The following NXPE3 variants were observed in gnomAD, a reference collection of about 807,000 sequenced individuals.
The protein encoded by NXPE3 is NXPE family member 3.
A neutral mutation model predicts 46.1 loss-of-function variants in NXPE3; 26 were observed. The ratio of observed to expected loss-of-function variants is 0.56; its 90% CI spans 0.41 to 0.78. NXPE3 has a LOEUF of 0.78. NXPE3 is among the 30% of genes least tolerant of loss of function. The pLI is 0.00. For missense variants in NXPE3, 620 were observed against 686.0 expected (o/e 0.90, Z 1.07); for synonymous variants, 272 against 257.9 (o/e 1.05, Z -0.52).
At chr3:101,786,428 C>A (rs1940177947) in intron 4 of NXPE3, among the ~76,000 whole-genome samples, 1 of 152,164 alleles carries the variant, frequency 6.6e-6, no homozygotes, top group South Asian at 2.1e-4. Flanking sequence ...AAAAAAATTT[C>A]TCCTGCTGGA....
intron 7 of NXPE3, among the ~76,000 whole-genome samples, chr3:101,820,058 A>G (rs1444160806): frequency 6.6e-6 from 1 of 152,154 alleles, no homozygotes; most frequent in Non-Finnish European, 1.5e-5. Context: ...AGTTTCATCC[A>G]TGTTGTTACA....
Position 101,785,549 on chromosome 3 carries a change from T to C in NXPE3, c.-48T>C, listed in dbSNP as rs376002605. ...AGCAAAGACATGGAATTTTAAAGAG[T>C]GAAGGTAGCATGGTGTCGGCCATGG... On this transcript the variant is annotated 5_prime_UTR_variant, in exon 4 of 8. It removes the in-frame stop codon of an upstream open reading frame in the 5' UTR. Coordinates refer to ENST00000273347, the MANE Select transcript of NXPE3 (RefSeq NM_145037.4). 4.0e-6 allele frequency: 6 copies of C among 1,504,970 alleles called. No homozygotes were observed. Among genetic ancestry groups the C allele is most frequent in the South Asian group, 1.1e-5 (1 of 88,928 alleles). The allele number at this position is 1,504,970 out of a possible 1,614,324, so 93.2% of individuals were successfully genotyped here.
Position 101,826,305 on chromosome 3 carries a change from A to AC in NXPE3, c.*4352dup, listed in dbSNP as rs961252364. 1 of 152,210 alleles carries AC rather than the reference A, an allele frequency of 6.6e-6. No individual in the cohort carries two copies. Among genetic ancestry groups the AC allele is most frequent in the African/African-American group, 2.4e-5 (1 of 41,446 alleles). 9.4% of individuals were successfully genotyped at this position (152,210 alleles called of 1,614,324 possible). A position where few individuals can be genotyped will look rare whatever the true frequency, so the allele number is the denominator to read the frequency against. ...ACAGGGAAATAAACACCCAAGGGAA[A>AC]CAACAGAAATAAGCCTCCCCAACTT... is the stretch of plus-strand genomic sequence containing the variant. On this transcript the variant is annotated 3_prime_UTR_variant, in exon 8 of 8. Coordinates refer to ENST00000273347, the MANE Select transcript of NXPE3 (RefSeq NM_145037.4).
intron 3 of NXPE3, among the ~76,000 whole-genome samples, chr3:101,784,922 G>C (rs761165886): frequency 2.0e-5 from 3 of 152,100 alleles, no homozygotes; most frequent in African/African-American, 7.2e-5. Flanking sequence ...GTATGAGAGG[G>C]GTAGCACTTC....
Position 101,782,717 on chromosome 3 carries a change from A to G in NXPE3, c.-259A>G, listed in dbSNP as rs927702095. 3 of 151,914 alleles carry G rather than the reference A, an allele frequency of 2.0e-5. No homozygotes were observed. Among genetic ancestry groups the G allele is most frequent in the Admixed American group, 6.6e-5 (1 of 15,236 alleles). 9.4% of individuals were successfully genotyped at this position (151,914 alleles called of 1,614,324 possible). On this transcript the variant is annotated 5_prime_UTR_variant, in exon 3 of 8. Transcript: ENST00000273347. ...TGGTGTGATGATCATGGTTCACTGC[A>G]GCCTCGACCTCCCAGGCTCAAGCAA...
chr3:101,814,070 T>C (rs544842934), intron 6 of NXPE3, among the ~76,000 whole-genome samples: 1 of 152,266 alleles, frequency 6.6e-6, no homozygotes, highest in Non-Finnish European at 1.5e-5. Context: ...GAAATGGTAA[T>C]TGTTTCCTGT....
chr3:101,802,387 A>G lies in NXPE3; in HGVS notation c.848+398A>G, dbSNP rs1447201297. On this transcript the variant is annotated intron_variant, in intron 5 of 7. Coordinates refer to ENST00000273347, the MANE Select transcript of NXPE3 (RefSeq NM_145037.4). ...AATCCCAGCACTTTGGGAGGCTGAA[A>G]CGGGAGGATCGCTTGAGCCCAGGAG... Among the ~76,000 whole-genome samples the G allele has an allele frequency of 3.1e-3, 468 of 150,570 alleles. 4 individuals carry two copies. The highest frequency in any genetic ancestry group is 0.011 in the African/African-American group (443 of 40,164).
In NXPE3 at chr3:101,801,517, C is replaced by G. The variant is rs769378572; in HGVS notation, c.376C>G (p.Leu126Val). The change falls in exon 5 of 8, where the codon CTG becomes GTG. Residue 126 changes from leucine (L) to valine (V), a missense_variant. Transcript: ENST00000273347. Reference sequence around the variant, plus strand: ...TAAGGTGGGAAGCCAGCTTGAGGTGCTGGTTCATGTGCAGGATTTTCAAAG... The same window carrying G: ...TAAGGTGGGAAGCCAGCTTGAGGTGGTGGTTCATGTGCAGGATTTTCAAAG... The part of the protein sequence containing the change: ...FFKVGSQLEV[L>V]VHVQDFQRKP... 1 of 1,614,156 alleles carries G rather than the reference C, an allele frequency of 6.2e-7. No homozygotes were observed. The highest frequency in any genetic ancestry group is 1.1e-5 in the South Asian group (1 of 91,088).
chr3:101,807,577 G>A lies in NXPE3; in HGVS notation c.922+451G>A, dbSNP rs574394884. ...GAGCTCAAGCAATCCTCCCACCTTG[G>A]CCTCCCAAAGTGCTGGGATTACAGA... On this transcript the variant is annotated intron_variant, in intron 6 of 7. Transcript: ENST00000273347. Among the ~76,000 whole-genome samples, 30 of 151,920 alleles carry A rather than the reference G, an allele frequency of 2.0e-4. No homozygotes were observed. The South Asian group carries it at 6.0e-3, about 31-fold the overall frequency.
chr3:101,787,853 C>T (rs1459824212), intron 4 of NXPE3, among the ~76,000 whole-genome samples: 1 of 152,166 alleles, frequency 6.6e-6, no homozygotes, highest in Non-Finnish European at 1.5e-5. Flanking sequence ...TACCTTTTGG[C>T]TATAATGGAT....
chr3:101,790,686 G>A (rs947861147), intron 4 of NXPE3, among the ~76,000 whole-genome samples: 2 of 151,966 alleles, frequency 1.3e-5, no homozygotes, highest in African/African-American at 2.4e-5. Flanking sequence ...TCTGTCTCGC[G>A]GGCTCAAGTG....
intron 6 of NXPE3, 90 bp downstream of exon 6, chr3:101,807,216 A>G: frequency 1.1e-6 from 1 of 879,814 alleles, no homozygotes; most frequent in Non-Finnish European, 1.9e-6. Flanking sequence ...AAAAACTTAT[A>G]TGCCATAGTT....
chr3:101,811,666 A>C (rs924073851), intron 6 of NXPE3, among the ~76,000 whole-genome samples: 1 of 151,774 alleles, frequency 6.6e-6, no homozygotes, highest in African/African-American at 2.4e-5. Flanking sequence ...ACTGCCCCTT[A>C]ACCATGTTTA....
chr3:101,808,543 G>C (rs1398031478), intron 6 of NXPE3, among the ~76,000 whole-genome samples: 1 of 152,000 alleles, frequency 6.6e-6, no homozygotes, highest in Non-Finnish European at 1.5e-5. Flanking sequence ...AACAAACCCT[G>C]TATGCCCAGC....
chr3:101,815,919 C>A (rs1177688763), intron 6 of NXPE3, among the ~76,000 whole-genome samples: 4 of 152,138 alleles, frequency 2.6e-5, no homozygotes, highest in Non-Finnish European at 5.9e-5. Flanking sequence ...TCGCTTGAAC[C>A]CAGGAGGCAG....
At position 101,822,012 on chromosome 3, in the gene NXPE3, T is replaced by C; in HGVS notation, c.*58T>C. The C allele has an allele frequency of 6.6e-7, 1 of 1,512,288 alleles. No homozygotes were observed. Among genetic ancestry groups the C allele is most frequent in the South Asian group, 1.2e-5 (1 of 82,102 alleles). The allele number at this position is 1,512,288 out of a possible 1,614,324, so 93.7% of individuals were successfully genotyped here. On this transcript the variant is annotated 3_prime_UTR_variant, in exon 8 of 8. Transcript: ENST00000273347. ...CAATGACCTTCTCAATTGACCTGAG[T>C]TACAGAAAGTGGCCCCAGTGAGAGA...
At chr3:101,815,956 A>T (rs1290478706) in intron 6 of NXPE3, among the ~76,000 whole-genome samples, 1 of 151,998 alleles carries the variant, frequency 6.6e-6, no homozygotes, top group Non-Finnish European at 1.5e-5. Context: ...AGATCATGCC[A>T]CTGCACTCCA....
chr3:101,783,433 T>A (rs1270123460), intron 3 of NXPE3, among the ~76,000 whole-genome samples: 2 of 152,162 alleles, frequency 1.3e-5, no homozygotes, highest in African/African-American at 4.8e-5. Flanking sequence ...TACAAATGGG[T>A]CTCTCAAATG....
intron 4 of NXPE3, among the ~76,000 whole-genome samples, chr3:101,791,787 A>G (rs1369703369): frequency 1.3e-5 from 2 of 151,694 alleles, no homozygotes; most frequent in African/African-American, 2.4e-5. Context: ...AATGACTTCT[A>G]TTCCTCTAGG....
Sources: allele counts gnomAD v4.1 joint callset (sites outside exome capture counted in the v4.1 genomes callset), GRCh38; gene constraint gnomAD v4.1.1; transcripts MANE v1.5; gene names NCBI Gene and HGNC (gene_info 2026-07-23, HGNC 2026-07-21).